CD247: variants seen among roughly 807,000 people sequenced by gnomAD.
The protein encoded by CD247 is T-cell surface glycoprotein CD3 zeta chain.
A neutral mutation model predicts 30.0 loss-of-function variants in CD247; 13 were observed. The ratio of observed to expected loss-of-function variants is 0.43; its 90% CI spans 0.28 to 0.69. The LOEUF is 0.69. CD247 is among the 30% of genes least tolerant of loss of function. The pLI, the probability that CD247 is intolerant of heterozygous loss-of-function variation, is 0.16. For synonymous variants in CD247, 72 were observed against 80.0 expected, an observed-to-expected ratio of 0.90 and a Z score of 0.53; for missense variants, 193 against 212.6, an observed-to-expected ratio of 0.91 and a Z score of 0.57.
chr1:167,463,414 T>C (rs562194218), intron 1 of CD247, among the ~76,000 whole-genome samples: 1 of 152,186 alleles, frequency 6.6e-6, no homozygotes, highest in South Asian at 2.1e-4. Context: ...CCCTCATATC[T>C]GGAAGCAGAG....
chr1:167,449,661 G>A (rs570933716), intron 1 of CD247, among the ~76,000 whole-genome samples: 7 of 152,174 alleles, frequency 4.6e-5, no homozygotes, highest in South Asian at 4.2e-4. Context: ...AGTGGCTCAC[G>A]CCTGTAATCC....
At chr1:167,502,435 C>T (rs1654952584) in intron 1 of CD247, among the ~76,000 whole-genome samples, 1 of 152,232 alleles carries the variant, frequency 6.6e-6, no homozygotes, top group African/African-American at 2.4e-5. Flanking sequence ...GGTTCACAAT[C>T]TGTCTGTACC....
chr1:167,433,741 C>G (rs1571505670), intron 6 of CD247, among the ~76,000 whole-genome samples: 1 of 152,246 alleles, frequency 6.6e-6, no homozygotes, highest in South Asian at 2.1e-4. Flanking sequence ...ACATATTAAG[C>G]ACTCGATGCT....
At chr1:167,507,768 T>C (rs1723004) in intron 1 of CD247, among the ~76,000 whole-genome samples, 62,266 of 151,608 alleles carry the variant, frequency 0.41, 13,789 homozygotes, top group East Asian at 0.61. Context: ...CCCAGGATTT[T>C]GAGGCTGCAG....
At chr1:167,478,124 C>G (rs1653826666) in intron 1 of CD247, among the ~76,000 whole-genome samples, 1 of 152,226 alleles carries the variant, frequency 6.6e-6, no homozygotes, top group African/African-American at 2.4e-5. Context: ...CTGTGAGGGG[C>G]TGAAGAATGT....
chr1:167,480,284 G>A (rs147189348), intron 1 of CD247, among the ~76,000 whole-genome samples: 3 of 152,112 alleles, frequency 2.0e-5, no homozygotes, highest in Non-Finnish European at 2.9e-5. Context: ...ATGGGAAACC[G>A]TTTAGAAAGT....
At chr1:167,439,434 C>T in intron 2 of CD247, 34 bp from the exon 3 acceptor site, 2 of 1,609,160 alleles carry the variant, frequency 1.2e-6, no homozygotes, top group Non-Finnish European at 1.7e-6. Flanking sequence ...GTTACTGCTC[C>T]GCGAGGGCGC....
intron 1 of CD247, among the ~76,000 whole-genome samples, chr1:167,490,920 C>T (rs998859389): frequency 4.0e-5 from 6 of 151,636 alleles, no homozygotes; most frequent in Non-Finnish European, 8.8e-5. Context: ...TCTGGGTTGA[C>T]AGAGCAAGAC....
intron 1 of CD247, among the ~76,000 whole-genome samples, chr1:167,473,434 G>A (rs2102052243): frequency 6.6e-6 from 1 of 152,302 alleles, no homozygotes; most frequent in South Asian, 2.1e-4. Flanking sequence ...GCTACTAGGA[G>A]AAATGTCATT....
Position 167,433,006 on chromosome 1 carries a change from G to T in CD247, c.429+18C>A. ...CAGGTGGTGCCCCTTCCACTGAAGG[G>T]ACGCCGGCAGCTCCTACCTGGTAAA... On this transcript the variant is annotated intron_variant, in intron 7 of 7. Transcript: ENST00000362089. 1 of 1,614,132 alleles carries T rather than the reference G, an allele frequency of 6.2e-7. No individual in the cohort carries two copies. The highest frequency in any genetic ancestry group is 8.5e-7 in the Non-Finnish European group (1 of 1,179,922).
At chr1:167,483,170 G>A (rs776177222) in intron 1 of CD247, among the ~76,000 whole-genome samples, 5 of 151,758 alleles carry the variant, frequency 3.3e-5, no homozygotes, top group African/African-American at 7.3e-5. Context: ...CACCATGCCC[G>A]GCTAATTTTG....
chr1:167,468,664 T>C (rs1201174742), intron 1 of CD247, among the ~76,000 whole-genome samples: 1 of 152,196 alleles, frequency 6.6e-6, no homozygotes, highest in Non-Finnish European at 1.5e-5. Flanking sequence ...ACCAGACACC[T>C]GGGAAGGGCT....
At chr1:167,449,613 G>A (rs188206600) in intron 1 of CD247, among the ~76,000 whole-genome samples, 3 of 152,194 alleles carry the variant, frequency 2.0e-5, no homozygotes, top group African/African-American at 7.2e-5. Context: ...TTTATAAACT[G>A]TAATCATTTT....
At chr1:167,507,976 A>G (rs1655217905) in intron 1 of CD247, among the ~76,000 whole-genome samples, 1 of 152,252 alleles carries the variant, frequency 6.6e-6, no homozygotes, top group Non-Finnish European at 1.5e-5. Flanking sequence ...GTCAGCTTCA[A>G]GTCTGAGACT....
Position 167,431,640 on chromosome 1 carries a change from G to T in CD247, c.*41C>A, listed in dbSNP as rs1351736538. The T allele has an allele frequency of 6.0e-6, 9 of 1,511,716 alleles. No homozygotes were observed. The highest frequency in any genetic ancestry group is 6.4e-6 in the Non-Finnish European group (7 of 1,086,480). The allele number at this position is 1,511,716 out of a possible 1,614,324, so 93.6% of individuals were successfully genotyped here. A position where few individuals can be genotyped will look rare whatever the true frequency, so the allele number is the denominator to read the frequency against. ...TCATCCTGTGTCTCATAATCTGGGC[G>T]TCTGCAGGTCTGGCCTTTGAGTGGT... On this transcript the variant is annotated 3_prime_UTR_variant, in exon 8 of 8. Transcript: ENST00000362089.
intron 1 of CD247, among the ~76,000 whole-genome samples, chr1:167,492,219 G>A (rs559866854): frequency 2.0e-5 from 3 of 152,228 alleles, no homozygotes; most frequent in African/African-American, 7.2e-5. Context: ...TGCCTCAGGT[G>A]TAAGACAGTC....
chr1:167,482,757 C>G lies in CD247; in HGVS notation c.58+35651G>C, dbSNP rs1654024609. Reference sequence around the variant, plus strand: ...GTGCCTATTCACCTGGGAGAGAGGCCTTGGGCTGCCCGTACCCTGGGAAGG... The same window carrying G: ...GTGCCTATTCACCTGGGAGAGAGGCGTTGGGCTGCCCGTACCCTGGGAAGG... On this transcript the variant is annotated intron_variant, in intron 1 of 7. Coordinates refer to ENST00000362089, the MANE Select transcript of CD247 (RefSeq NM_198053.3). Among the ~76,000 whole-genome samples, 4 of 152,146 alleles carry G rather than the reference C, an allele frequency of 2.6e-5. No homozygotes were observed. The South Asian group carries it at 8.3e-4, about 32-fold the overall frequency.
At chr1:167,434,423 T>A in intron 5 of CD247, 1 of 386,242 alleles carries the variant, frequency 2.6e-6, no homozygotes, top group Non-Finnish European at 4.9e-6. Flanking sequence ...ATCATTTATC[T>A]GAGCAAGTTG....
chr1:167,497,101 G>A (rs899515442), intron 1 of CD247, among the ~76,000 whole-genome samples: 4 of 152,202 alleles, frequency 2.6e-5, no homozygotes, highest in Admixed American at 6.5e-5. Flanking sequence ...ACAAAAGACA[G>A]TGGTAAAATA....
Sources: allele counts gnomAD v4.1 joint callset (sites outside exome capture counted in the v4.1 genomes callset), GRCh38; gene constraint gnomAD v4.1.1; transcripts MANE v1.5; gene names NCBI Gene and HGNC (gene_info 2026-07-23, HGNC 2026-07-21).